Variants in CFTR observed in about 807,000 individuals in gnomAD.
CFTR encodes the protein CF transmembrane conductance regulator, also known as cystic fibrosis transmembrane conductance regulator.
In CFTR, 181 loss-of-function variants were observed where a neutral mutation model predicts 171.6. The ratio of observed to expected loss-of-function variants is 1.05; its 90% CI spans 0.93 to 1.19. The LOEUF (loss-of-function observed/expected upper bound fraction) is 1.19. Ranked by LOEUF, CFTR falls within the 50% of genes most tolerant of loss-of-function variation. The pLI is 0.00. For synonymous variants in CFTR, 583 were observed against 608.0 expected (o/e 0.96, Z 0.60); for missense variants, 1,968 against 1,734.7 (o/e 1.13, Z -2.39).
chr7:117,539,226 T>C (rs1562891820), intron 7 of CFTR, among the ~76,000 whole-genome samples: 1 of 152,168 alleles, frequency 6.6e-6, no homozygotes, highest in Non-Finnish European at 1.5e-5. Flanking sequence ...CTCCCTGTTT[T>C]CTGTCTGCTG....
chr7:117,509,663 A>G (rs1401265263), intron 3 of CFTR, among the ~76,000 whole-genome samples: 3 of 152,178 alleles, frequency 2.0e-5, no homozygotes. Flanking sequence ...CTTGCAATAT[A>G]TTTTCTTAAT....
intron 11 of CFTR, 62 bp from the exon 12 acceptor site, chr7:117,587,677 C>T (rs570538005): frequency 2.1e-6 from 2 of 939,300 alleles, no homozygotes; most frequent in Admixed American, 1.7e-5. Context: ...GGAAGATGTG[C>T]CTTTCAAATT....
Position 117,633,403 on chromosome 7 carries a change from T to G in CFTR, c.3717+5633T>G, listed in dbSNP as rs377578523. 8.5e-5 allele frequency among the ~76,000 whole-genome samples: 13 copies of G among 152,270 alleles called. No homozygotes were observed. In the East Asian group the frequency reaches 1.7e-3, roughly 20 times the overall value. ...AATCAATTATTGATAGTTTCAAGGA[T>G]TTTTTGGTCAATTATTTTGAATCTT... On this transcript the variant is annotated intron_variant, in intron 22 of 26. Coordinates refer to ENST00000003084, the MANE Select transcript of CFTR (RefSeq NM_000492.4).
At chr7:117,614,750 A>T (rs1271275300) in intron 21 of CFTR, 37 bp downstream of exon 21, 6 of 1,386,528 alleles carry the variant, frequency 4.3e-6, no homozygotes, top group Non-Finnish European at 6.2e-6. Context: ...TATGAAAAAA[A>T]TTCAGACAAG....
At chr7:117,647,142 T>C (rs551194096) in intron 23 of CFTR, among the ~76,000 whole-genome samples, 1 of 151,920 alleles carries the variant, frequency 6.6e-6, no homozygotes, top group Non-Finnish European at 1.5e-5. Context: ...GCAACACTTT[T>C]TTGGAGACAG....
chr7:117,664,620 TTTTTAGA>T, intron 24 of CFTR, 61 bp from the exon 25 acceptor site: 1 of 1,441,366 alleles, frequency 6.9e-7, no homozygotes, highest in East Asian at 2.3e-5. Flanking sequence ...CCTGTGTTTA[TTTTTAGA>T]ATGTCAACTG....
chr7:117,666,991 C>A lies in CFTR; in HGVS notation c.4326C>A (p.Ser1442Arg), dbSNP rs753963572. Residue 1442 changes from serine (S) to arginine (R), a missense_variant, in exon 27 of 27, where the codon AGC becomes AGA. Ser to Arg is a moderately radical substitution (Grantham distance 110, BLOSUM62 -1). Transcript: ENST00000003084. The stretch of plus-strand genomic sequence containing the variant: ...GGAGCCTCTTCCGGCAAGCCATCAG[C>A]CCCTCCGACAGGGTGAAGCTCTTTC... The part of the protein sequence containing the change: ...NERSLFRQAI[S>R]PSDRVKLFPH... 1.2e-6 allele frequency: 2 copies of A among 1,613,924 alleles called. No homozygotes were observed. Among genetic ancestry groups the A allele is most frequent in the Middle Eastern group, 1.6e-4 (1 of 6,062 alleles).
chr7:117,642,479 G>A lies in CFTR; in HGVS notation c.3759G>A (p.Leu1253=), dbSNP rs117400534. 34 of 1,613,664 alleles carry A rather than the reference G, an allele frequency of 2.1e-5. No individual in the cohort carries two copies. Among genetic ancestry groups the A allele is most frequent in the Non-Finnish European group, 2.6e-5 (31 of 1,179,716 alleles). The change falls in exon 23 of 27, where the codon TTG becomes TTA. Residue 1253 remains leucine (L), a synonymous_variant. Transcript: ENST00000003084. ...LGRTGSGKST[L]LSAFLRLLNT... ...GAACTGGATCAGGGAAGAGTACTTT[G>A]TTATCAGCTTTTTTGAGACTACTGA... is the stretch of plus-strand genomic sequence containing the variant.
intron 3 of CFTR, among the ~76,000 whole-genome samples, chr7:117,512,633 C>CAA (rs5886861): frequency 0.012 from 840 of 68,768 alleles, 13 homozygotes; most frequent in African/African-American, 0.043. Context: ...GACTCCATCT[C>CAA]AAAAAAAAAA....
rs1428793613 is a variant in CFTR at position 117,535,225 on chromosome 7, T to A, written c.580-23T>A. ...GGTGGAAGATACAATGACACCTGTT[T>A]TTGCTGTGCTTTTATTTTCCAGGGA... is the stretch of plus-strand genomic sequence containing the variant. On this transcript the variant is annotated intron_variant, in intron 5 of 26. Transcript: ENST00000003084. 3.7e-6 allele frequency: 6 copies of A among 1,613,930 alleles called. No individual in the cohort carries two copies. In the Admixed American group the frequency reaches 1.0e-4, roughly 27 times the overall value.
In CFTR at chr7:117,514,171, AT is replaced by A. The variant is rs11430349; in HGVS notation, c.273+5039del. Among the ~76,000 whole-genome samples the A allele has an allele frequency of 4.5e-3, 680 of 150,622 alleles. 8 individuals are homozygous for A. Among genetic ancestry groups the A allele is most frequent in the African/African-American group, 0.016 (643 of 41,036 alleles). On this transcript the variant is annotated intron_variant, in intron 3 of 26. Transcript: ENST00000003084. ...TCCATAGGAAGAACTGTTTAGTTTA[AT>A]TTTTTTTTTATTTTTTCTTCTAAAA...
intron 3 of CFTR, among the ~76,000 whole-genome samples, chr7:117,526,058 GC>G (rs1436514142): frequency 2.0e-5 from 3 of 150,638 alleles, no homozygotes; most frequent in African/African-American, 4.9e-5. Context: ...TCCTTCAGGA[GC>G]TCTTTTAGGG....
chr7:117,568,270 A>C (rs1273779431), intron 11 of CFTR, among the ~76,000 whole-genome samples: 1 of 152,192 alleles, frequency 6.6e-6, no homozygotes, highest in African/African-American at 2.4e-5. Flanking sequence ...TGAACTTTAC[A>C]CTGGGGGCCA....
At chr7:117,624,405 T>C (rs1181883064) in intron 21 of CFTR, among the ~76,000 whole-genome samples, 2 of 152,118 alleles carry the variant, frequency 1.3e-5, no homozygotes, top group Admixed American at 6.6e-5. Context: ...GTTTCTTCCA[T>C]GCCCCTGAGG....
intron 24 of CFTR, among the ~76,000 whole-genome samples, chr7:117,657,747 T>C (rs1167856867): frequency 1.3e-5 from 2 of 152,194 alleles, no homozygotes; most frequent in Non-Finnish European, 2.9e-5. Flanking sequence ...AACAGAGTAA[T>C]GACAAATAGC....
chr7:117,558,522 C>G (rs551750847), intron 10 of CFTR, among the ~76,000 whole-genome samples: 258 of 151,354 alleles, frequency 1.7e-3, no homozygotes, highest in Non-Finnish European at 2.6e-3. Flanking sequence ...CCACTGCACT[C>G]TAGCCTGGGT....
At chr7:117,491,268 GC>G (rs1798155754) in intron 1 of CFTR, among the ~76,000 whole-genome samples, 1 of 152,024 alleles carries the variant, frequency 6.6e-6, no homozygotes, top group Non-Finnish European at 1.5e-5. Context: ...TATGCAGTCT[GC>G]TGTAGACTGA....
chr7:117,500,609 T>C (rs1432956208), intron 1 of CFTR, among the ~76,000 whole-genome samples: 1 of 152,010 alleles, frequency 6.6e-6, no homozygotes, highest in Non-Finnish European at 1.5e-5. Context: ...ATATTTTTCA[T>C]TCAATTTTAT....
At chr7:117,547,266 A>G (rs1799161975) in intron 9 of CFTR, among the ~76,000 whole-genome samples, 1 of 152,280 alleles carries the variant, frequency 6.6e-6, no homozygotes, top group Non-Finnish European at 1.5e-5. Flanking sequence ...AAATTTTTCA[A>G]CATAGTTTTA....
Sources: gnomAD v4.1 joint callset for allele counts (sites outside exome capture counted in the v4.1 genomes callset) on GRCh38, gnomAD v4.1.1 for gene constraint, MANE v1.5 for transcripts, NCBI Gene and HGNC (gene_info 2026-07-23, HGNC 2026-07-21) for gene names.